The following SETX variants were observed in gnomAD, a reference collection of about 807,000 sequenced individuals.
The protein encoded by SETX is senataxin.
Under a neutral mutation model 227.2 loss-of-function variants are expected in SETX, and 90 were observed. The ratio of observed to expected loss-of-function variants is 0.40; its 90% confidence interval spans 0.33 to 0.47. SETX has a LOEUF of 0.47. Among genes scored for constraint, SETX ranks in the 20% least tolerant of loss-of-function variants. SETX has a pLI of 0.91. For synonymous variants in SETX, 1,210 were observed against 1,113.2 expected, an observed-to-expected ratio of 1.09 and a Z score of -1.73; for missense variants, 3,052 against 3,181.5, an observed-to-expected ratio of 0.96 and a Z score of 0.98.
rs1406094449 is a variant in SETX, at chr9:132,354,937, C to T, written c.-135G>A. The T allele has an allele frequency of 6.6e-6, 1 of 152,410 alleles. No individual in the cohort carries two copies. Among genetic ancestry groups the T allele is most frequent in the Non-Finnish European group, 1.5e-5 (1 of 68,206 alleles). The allele number at this position is 152,410 out of a possible 1,614,324, so 9.4% of individuals were successfully genotyped here. A position where few individuals can be genotyped will look rare whatever the true frequency, so the allele number is the denominator to read the frequency against. ...CTCACCGCTCTCTGGCTGGCGTCGG[C>T]CTCTAGCCCACCTCCATACCGGGCC... On this transcript the variant is annotated 5_prime_UTR_variant, in exon 1 of 26. Coordinates refer to ENST00000224140, the MANE Select transcript of SETX (RefSeq NM_015046.7).
Position 132,295,984 on chromosome 9 carries a change from G to A in SETX, c.5994C>T (p.Ile1998=), listed in dbSNP as rs372531260. The A allele has an allele frequency of 6.2e-7, 1 of 1,614,036 alleles. No individual in the cohort carries two copies. The highest frequency in any genetic ancestry group is 8.5e-7 in the Non-Finnish European group (1 of 1,180,038). Reference sequence around the variant, plus strand: ...CACACACGAGGACACGGTTTTGTTTGATTTTGGCATTGGAGTTTTCGTCTG... The same window carrying A: ...CACACACGAGGACACGGTTTTGTTTAATTTTGGCATTGGAGTTTTCGTCTG... ...GHSDENSNAK[I]KQNRVLVCAP... is the part of the protein sequence containing the mutation. The change falls in exon 15 of 26, where the codon ATC becomes ATT. Residue 1998 remains isoleucine, a synonymous_variant. Coordinates refer to ENST00000224140, the MANE Select transcript of SETX (RefSeq NM_015046.7).
intron 25 of SETX, among the ~76,000 whole-genome samples, chr9:132,265,935 T>C (rs1842627846): frequency 6.6e-6 from 1 of 152,120 alleles, no homozygotes; most frequent in African/African-American, 2.4e-5. Flanking sequence ...TCCACCGAGA[T>C]CTCAAGATAT....
chr9:132,308,209 C>T (rs190953249), intron 11 of SETX, among the ~76,000 whole-genome samples: 83 of 152,306 alleles, frequency 5.4e-4, no homozygotes, highest in African/African-American at 1.5e-3. Flanking sequence ...CCAGATACCA[C>T]GTACCTGCTG....
chr9:132,331,567 G>T, intron 7 of SETX, 119 bp from the exon 8 acceptor site: 2 of 1,126,028 alleles, frequency 1.8e-6, no homozygotes, highest in South Asian at 1.3e-5. Context: ...AAGCCAAGGA[G>T]CAAATAATTT....
At chr9:132,308,901 G>C (rs1051056979) in intron 11 of SETX, among the ~76,000 whole-genome samples, 1 of 152,146 alleles carries the variant, frequency 6.6e-6, no homozygotes, top group Non-Finnish European at 1.5e-5. Context: ...CACTTTGGGA[G>C]GCCAAGACGG....
chr9:132,269,606 G>A lies in SETX; in HGVS notation c.7287+9C>T, dbSNP rs769170686. Reference sequence around the variant, plus strand: ...CAATGGGTAAACTTCTGAGCTCTCTGGTACCTACCATCAGGGTCCTCAAAT... The same window carrying A: ...CAATGGGTAAACTTCTGAGCTCTCTAGTACCTACCATCAGGGTCCTCAAAT... On this transcript the variant is annotated intron_variant, in intron 25 of 25. Transcript: ENST00000224140. 6.2e-7 allele frequency: 1 copy of A among 1,613,872 alleles called. No homozygotes were observed. The highest frequency in any genetic ancestry group is 1.3e-5 in the African/African-American group (1 of 75,022).
intron 2 of SETX, among the ~76,000 whole-genome samples, chr9:132,351,711 TTTTGTC>T (rs1342510405): frequency 6.6e-6 from 1 of 152,230 alleles, no homozygotes; most frequent in African/African-American, 2.4e-5. Context: ...ATAGGGCATA[TTTTGTC>T]TTTAAGGAGA....
chr9:132,311,778 T>C lies in SETX; in HGVS notation c.5353A>G (p.Ile1785Val), dbSNP rs755985539. The change falls in exon 11 of 26, where the codon ATA becomes GTA. Residue 1785 changes from isoleucine (I) to valine (V), a missense_variant. Ile to Val is a conservative substitution (Grantham distance 29). Around this residue, in one of 10 missense-constraint regions of SETX, gnomAD observed 239 missense variants for 272.1 expected, o/e 0.88. Coordinates refer to ENST00000224140, the MANE Select transcript of SETX (RefSeq NM_015046.7). The stretch of plus-strand genomic sequence containing the variant: ...TTACCTGCAAACTCCCAGTATTTTA[T>C]ATAATCGGCAGGAAATTTTCGTACT... ...LQVRKFPADY[I>V]KYWEFAVYLE... The C allele has an allele frequency of 1.2e-6, 2 of 1,613,152 alleles. No individual in the cohort carries two copies. The highest frequency in any genetic ancestry group is 8.5e-7 in the Non-Finnish European group (1 of 1,179,520).
intron 19 of SETX, chr9:132,283,005 G>A: frequency 2.0e-6 from 1 of 507,466 alleles, no homozygotes; most frequent in Non-Finnish European, 3.6e-6. Context: ...AAGCAGGAGT[G>A]AGACAGTCAC....
At chr9:132,336,985 G>A (rs921162704) in intron 5 of SETX, among the ~76,000 whole-genome samples, 3 of 152,194 alleles carry the variant, frequency 2.0e-5, no homozygotes, top group Non-Finnish European at 4.4e-5. Context: ...AGAATTGTTT[G>A]AACCTGGTGG....
chr9:132,314,520 G>C (rs12348622), intron 10 of SETX, among the ~76,000 whole-genome samples: 1 of 152,144 alleles, frequency 6.6e-6, no homozygotes, highest in African/African-American at 2.4e-5. Context: ...CACCAAGCCC[G>C]GCTAGCTTTC....
chr9:132,267,872 A>AT (rs1453551875), intron 25 of SETX, among the ~76,000 whole-genome samples: 2 of 152,194 alleles, frequency 1.3e-5, no homozygotes, highest in African/African-American at 4.8e-5. Flanking sequence ...ATCCATCCAG[A>AT]GTGCACTGCC....
rs1053470622 is a variant in SETX at position 132,296,938 on chromosome 9, T to C, written c.5898A>G (p.Gly1966=). ...CAACAATAGTTTTTGATTTTCCTGT[T>C]CCAGGTGGTCCATGAATCAAGCAGA... is the stretch of plus-strand genomic sequence containing the variant. ...AKICLIHGPP[G]TGKSKTIVGL... Residue 1966 remains glycine (G), a synonymous_variant, in exon 14 of 26, where the codon GGA becomes GGG. Transcript: ENST00000224140. 4 of 1,614,044 alleles carry C rather than the reference T, an allele frequency of 2.5e-6. No individual in the cohort carries two copies. The African/African-American group carries it at 5.3e-5, about 22-fold the overall frequency.
In SETX at chr9:132,263,670, T is replaced by TG. The variant is rs200164669; in HGVS notation, c.*568dup. 9.1e-5 allele frequency: 14 copies of TG among 153,986 alleles called. No homozygotes were observed. Among genetic ancestry groups the TG allele is most frequent in the Non-Finnish European group, 1.2e-4 (8 of 69,118 alleles). The allele number at this position is 153,986 out of a possible 1,614,324, so 9.5% of individuals were successfully genotyped here. A position where few individuals can be genotyped will look rare whatever the true frequency, so the allele number is the denominator to read the frequency against. On this transcript the variant is annotated 3_prime_UTR_variant, in exon 26 of 26. Coordinates refer to ENST00000224140, the MANE Select transcript of SETX (RefSeq NM_015046.7). Reference sequence around the variant, plus strand: ...TGTCCCCTAGGAGACTCCAGGTTTTTGGGGGGGTTTTTGCTTTTTTTAATA... The same window carrying TG: ...TGTCCCCTAGGAGACTCCAGGTTTTTGGGGGGGGTTTTTGCTTTTTTTAATA...
At chr9:132,274,297 G>A (rs1299109777) in intron 23 of SETX, among the ~76,000 whole-genome samples, 1 of 152,034 alleles carries the variant, frequency 6.6e-6, no homozygotes, top group African/African-American at 2.4e-5. Context: ...ATGAATCTGA[G>A]TGTTCTATTT....
chr9:132,280,561 C>T (rs1223170161), intron 20 of SETX, among the ~76,000 whole-genome samples: 1 of 152,172 alleles, frequency 6.6e-6, no homozygotes, highest in Non-Finnish European at 1.5e-5. Context: ...AAATGTCATA[C>T]AAAGAACTGC....
chr9:132,349,207 C>T (rs1848473269), intron 3 of SETX, 45 bp downstream of exon 3: 1 of 1,569,284 alleles, frequency 6.4e-7, no homozygotes, highest in Non-Finnish European at 8.8e-7. Flanking sequence ...ACTCTCTTCC[C>T]AGCTATCAAG....
rs141277356 is a variant in SETX at position 132,316,780 on chromosome 9, G to A, written c.5275-4924C>T. 2.4e-4 allele frequency among the ~76,000 whole-genome samples: 36 copies of A among 152,296 alleles called. No individual in the cohort carries two copies. In the East Asian group the frequency reaches 5.2e-3, roughly 22 times the overall value. ...CCAAAGGGTCTCCCACTGTTTCTCC[G>A]GGTATCCGCCTGCCCCGTGCCACTC... On this transcript the variant is annotated intron_variant, in intron 10 of 25. Transcript: ENST00000224140.
At chr9:132,335,116 C>T (rs561590777) in intron 6 of SETX, among the ~76,000 whole-genome samples, 64 of 151,980 alleles carry the variant, frequency 4.2e-4, no homozygotes, top group East Asian at 1.2e-3. Context: ...TGAGGCCGGG[C>T]GTGGTGGCTC....
Sources: gnomAD v4.1 joint callset for allele counts (sites outside exome capture counted in the v4.1 genomes callset) on GRCh38, gnomAD v4.1.1 for gene constraint, gnomAD v4.1.1 regional missense constraint, MANE v1.5 for transcripts, NCBI Gene and HGNC (gene_info 2026-07-23, HGNC 2026-07-21) for gene names.